Variants in SENP7 observed in about 807,000 individuals in gnomAD.
SENP7 encodes sentrin-specific protease 7.
A neutral mutation model predicts 141.2 loss-of-function variants in SENP7; 64 were observed. That is an observed-to-expected ratio of 0.45 (90% CI 0.37 to 0.56). The LOEUF (loss-of-function observed/expected upper bound fraction) is 0.56, where lower values mean the gene tolerates loss of function less well. SENP7 is among the 20% of genes least tolerant of loss of function. SENP7 has a pLI of 0.00. For synonymous variants in SENP7, 382 were observed against 426.4 expected, an observed-to-expected ratio of 0.90 and a Z score of 1.28; for missense variants, 1,025 against 1,212.2, an observed-to-expected ratio of 0.85 and a Z score of 2.29.
intron 6 of SENP7, among the ~76,000 whole-genome samples, chr3:101,392,892 G>C (rs994293286): frequency 1.3e-5 from 2 of 152,172 alleles, no homozygotes; most frequent in African/African-American, 4.8e-5. Flanking sequence ...GCTGAGGAGG[G>C]AAGATTGCTT....
intron 4 of SENP7, among the ~76,000 whole-genome samples, chr3:101,426,770 T>C (rs1006591482): frequency 3.4e-4 from 51 of 152,110 alleles, no homozygotes; most frequent in African/African-American, 1.2e-3. Flanking sequence ...GCATGAGCCA[T>C]GGCACCCAGC....
intron 4 of SENP7, among the ~76,000 whole-genome samples, chr3:101,418,235 A>G (rs2061682492): frequency 6.6e-6 from 1 of 152,134 alleles, no homozygotes. Context: ...TTAAGGCTAT[A>G]CAGTCTTAAG....
At chr3:101,494,765 C>T (rs1279876499) in intron 2 of SENP7, among the ~76,000 whole-genome samples, 1 of 152,084 alleles carries the variant, frequency 6.6e-6, no homozygotes, top group Admixed American at 6.6e-5. Context: ...AAACTGTACC[C>T]CTTCCTTATA....
Position 101,366,415 on chromosome 3 carries a change from C to T in SENP7, c.1318+15G>A. ...AGAGGAAATTAAGTAACTTTATAAT[C>T]CTCCTGTCACTTACTTGGTTCAGCT... On this transcript the variant is annotated intron_variant, in intron 9 of 23. Coordinates refer to ENST00000394095, the MANE Select transcript of SENP7 (RefSeq NM_020654.5). 1 of 1,501,086 alleles carries T rather than the reference C, an allele frequency of 6.7e-7. No individual in the cohort carries two copies. Among genetic ancestry groups the T allele is most frequent in the South Asian group, 1.3e-5 (1 of 79,248 alleles). 93.0% of individuals were successfully genotyped at this position (1,501,086 alleles called of 1,614,324 possible).
At chr3:101,451,180 T>C (rs1161681971) in intron 4 of SENP7, among the ~76,000 whole-genome samples, 1 of 152,156 alleles carries the variant, frequency 6.6e-6, no homozygotes, top group African/African-American at 2.4e-5. Flanking sequence ...AAGTTGAATC[T>C]CTGAATAGAC....
intron 12 of SENP7, 122 bp downstream of exon 12, chr3:101,351,496 T>C: frequency 1.3e-6 from 1 of 760,344 alleles, no homozygotes; most frequent in East Asian, 3.6e-5. Flanking sequence ...TTATAAAACA[T>C]TTTTACTCCA....
chr3:101,378,036 TA>T (rs1251578669), intron 6 of SENP7, among the ~76,000 whole-genome samples: 1 of 152,080 alleles, frequency 6.6e-6, no homozygotes, highest in Non-Finnish European at 1.5e-5. Flanking sequence ...ATAAATGGGT[TA>T]AAAGACTGAA....
At chr3:101,431,155 T>G (rs917681372) in intron 4 of SENP7, among the ~76,000 whole-genome samples, 1 of 152,246 alleles carries the variant, frequency 6.6e-6, no homozygotes, top group Non-Finnish European at 1.5e-5. Flanking sequence ...ATGTATATTC[T>G]GTTGATTTGG....
intron 5 of SENP7, among the ~76,000 whole-genome samples, chr3:101,405,272 C>T (rs532399057): frequency 4.6e-5 from 7 of 152,082 alleles, no homozygotes; most frequent in Non-Finnish European, 1.0e-4. Context: ...TGCAGACAAC[C>T]GCCAGTACCA....
intron 2 of SENP7, among the ~76,000 whole-genome samples, chr3:101,499,012 G>A (rs2065267598): frequency 6.6e-6 from 1 of 152,122 alleles, no homozygotes; most frequent in African/African-American, 2.4e-5. Context: ...TTAAGGTACT[G>A]TATCAATATA....
chr3:101,398,474 A>G (rs956117990), intron 6 of SENP7, among the ~76,000 whole-genome samples: 3 of 152,180 alleles, frequency 2.0e-5, no homozygotes, highest in African/African-American at 7.2e-5. Context: ...AAATTAAAGT[A>G]AAACAAAATA....
chr3:101,405,314 A>G (rs2061268333), intron 5 of SENP7, among the ~76,000 whole-genome samples: 1 of 152,172 alleles, frequency 6.6e-6, no homozygotes, highest in Non-Finnish European at 1.5e-5. Context: ...CTGGGTGGCT[A>G]GATCCAAAAG....
chr3:101,452,573 C>T (rs1440593801), intron 4 of SENP7, among the ~76,000 whole-genome samples: 1 of 152,114 alleles, frequency 6.6e-6, no homozygotes, highest in African/African-American at 2.4e-5. Context: ...TAACTACAAC[C>T]ATCTCATCTT....
At chr3:101,328,094 A>C (rs1457470962) in intron 22 of SENP7, among the ~76,000 whole-genome samples, 1 of 152,210 alleles carries the variant, frequency 6.6e-6, no homozygotes, top group Non-Finnish European at 1.5e-5. Flanking sequence ...TAAAAGTTTC[A>C]TCATTAGTTT....
At chr3:101,471,171 C>A (rs1275088672) in intron 3 of SENP7, among the ~76,000 whole-genome samples, 2 of 152,002 alleles carry the variant, frequency 1.3e-5, no homozygotes, top group Admixed American at 6.6e-5. Flanking sequence ...CATACGGAAC[C>A]AAAAAAGAGC....
chr3:101,357,887 C>G (rs2059786068), intron 11 of SENP7: 1 of 566,904 alleles, frequency 1.8e-6, no homozygotes. Context: ...TGCCTCTAAC[C>G]TTACTACACA....
chr3:101,451,592 A>C (rs1412245478), intron 4 of SENP7, among the ~76,000 whole-genome samples: 1 of 152,216 alleles, frequency 6.6e-6, no homozygotes, highest in Non-Finnish European at 1.5e-5. Flanking sequence ...TCCAGCATAT[A>C]AACAGAACCA....
rs1272975544 is a variant in SENP7, at chr3:101,465,146, G to C, written c.187-6094C>G. On this transcript the variant is annotated intron_variant, in intron 3 of 23. Coordinates refer to ENST00000394095, the MANE Select transcript of SENP7 (RefSeq NM_020654.5). ...AAGACCCACACACACCATTAGGGGG[G>C]TGGAGGGGGCATGAAGGGAGACCCA... Among the ~76,000 whole-genome samples, 4 of 152,000 alleles carry C rather than the reference G, an allele frequency of 2.6e-5. No homozygotes were observed. In the East Asian group the frequency reaches 5.8e-4, roughly 22 times the overall value.
chr3:101,444,270 A>T (rs2062796808), intron 4 of SENP7, among the ~76,000 whole-genome samples: 2 of 145,756 alleles, frequency 1.4e-5, no homozygotes, highest in African/African-American at 5.0e-5. Flanking sequence ...GTGGAGAAAT[A>T]GGAACACTTT....
Sources: allele counts gnomAD v4.1 joint callset (sites outside exome capture counted in the v4.1 genomes callset), GRCh38; gene constraint gnomAD v4.1.1; transcripts MANE v1.5; gene names NCBI Gene and HGNC (gene_info 2026-07-23, HGNC 2026-07-21).